MDFIC2: variants seen among roughly 807,000 people sequenced by gnomAD.
MDFIC2 encodes the protein myoD family inhibitor domain-containing protein 2.
chr3:70,271,630 G>A (rs1278203372), intron 2 of MDFIC2, among the ~76,000 whole-genome samples: 1 of 152,174 alleles, frequency 6.6e-6, no homozygotes, highest in Non-Finnish European at 1.5e-5. Flanking sequence ...AATAGACCCA[G>A]CTAAGAAACT....
chr3:70,236,965 G>GA (rs1230562707), intron 2 of MDFIC2, among the ~76,000 whole-genome samples: 3 of 152,138 alleles, frequency 2.0e-5, no homozygotes, highest in African/African-American at 7.2e-5. Flanking sequence ...TTTCTATTGT[G>GA]AAAAATCATA....
In MDFIC2 at chr3:70,260,498, T is replaced by C. The variant is rs536675785; in HGVS notation, c.88+51388A>G. On this transcript the variant is annotated intron_variant, in intron 2 of 3. Transcript: ENST00000567252. ...TTCAACTCGTAACAGCCCCATTCCCTATCATCTTCTGATTGTGTTAAGTCA... is the reference window on the plus strand; with the variant it reads ...TTCAACTCGTAACAGCCCCATTCCCCATCATCTTCTGATTGTGTTAAGTCA... Among the ~76,000 whole-genome samples the C allele has an allele frequency of 1.6e-3, 249 of 152,220 alleles. 2 individuals carry two copies. The highest frequency in any genetic ancestry group is 2.6e-3 in the Non-Finnish European group (178 of 67,994).
chr3:70,225,677 G>A (rs1701497672), intron 2 of MDFIC2, among the ~76,000 whole-genome samples: 1 of 152,140 alleles, frequency 6.6e-6, no homozygotes. Context: ...TAGATCAAAA[G>A]CAGTTTAGTG....
At chr3:70,232,546 C>T (rs1284341366) in intron 2 of MDFIC2, among the ~76,000 whole-genome samples, 1 of 151,854 alleles carries the variant, frequency 6.6e-6, no homozygotes, top group African/African-American at 2.4e-5. Context: ...ATTACAGGTG[C>T]CCGCCACCAC....
At chr3:70,268,678 T>C (rs1419866212) in intron 2 of MDFIC2, among the ~76,000 whole-genome samples, 1 of 152,204 alleles carries the variant, frequency 6.6e-6, no homozygotes, top group Non-Finnish European at 1.5e-5. Context: ...CTCTCTTCTT[T>C]TGTTTTTGCA....
At chr3:70,286,193 T>C (rs1055143805) in intron 2 of MDFIC2, among the ~76,000 whole-genome samples, 6 of 152,234 alleles carry the variant, frequency 3.9e-5, no homozygotes, top group Non-Finnish European at 7.3e-5. Context: ...TGGTTTTAGG[T>C]CTAAAGTTTA....
intron 3 of MDFIC2, chr3:70,204,758 A>T (rs1701274769): frequency 6.6e-6 from 1 of 151,552 alleles, no homozygotes; most frequent in East Asian, 1.9e-4. Flanking sequence ...GTGTCATGCT[A>T]GTTGGCTTGG....
chr3:70,207,033 CTTTT>C (rs11317960), intron 2 of MDFIC2, among the ~76,000 whole-genome samples: 3 of 139,634 alleles, frequency 2.1e-5, no homozygotes, highest in South Asian at 4.5e-4. Flanking sequence ...CTTATTTCTA[CTTTT>C]TTTTTTTTTT....
intron 2 of MDFIC2, among the ~76,000 whole-genome samples, chr3:70,294,802 G>T (rs1011682540): frequency 6.6e-6 from 1 of 151,888 alleles, no homozygotes; most frequent in African/African-American, 2.4e-5. Flanking sequence ...GCTCAGTCTG[G>T]CTTCTCTTAT....
chr3:70,219,285 G>A (rs1019506490), intron 2 of MDFIC2, among the ~76,000 whole-genome samples: 8 of 152,176 alleles, frequency 5.3e-5, no homozygotes, highest in Non-Finnish European at 7.3e-5. Flanking sequence ...AATCCAATCA[G>A]TCTAGCACTT....
intron 2 of MDFIC2, among the ~76,000 whole-genome samples, chr3:70,267,579 T>TC (rs1491522896): frequency 3.1e-3 from 85 of 27,424 alleles, no homozygotes; most frequent in South Asian, 0.013. Flanking sequence ...ATTTTTTGTA[T>TC]TTTTTTTTTT....
chr3:70,277,416 C>T (rs1410026964), intron 2 of MDFIC2, among the ~76,000 whole-genome samples: 1 of 152,176 alleles, frequency 6.6e-6, no homozygotes, highest in East Asian at 1.9e-4. Flanking sequence ...GTCAAAGTCA[C>T]ACTGTTTGCT....
chr3:70,224,480 G>A (rs777822477), intron 2 of MDFIC2, among the ~76,000 whole-genome samples: 2 of 152,140 alleles, frequency 1.3e-5, no homozygotes, highest in Non-Finnish European at 2.9e-5. Flanking sequence ...TCATTCTCTT[G>A]TTGGCAGCAC....
chr3:70,231,734 G>A (rs1192688942), intron 2 of MDFIC2, among the ~76,000 whole-genome samples: 3 of 152,176 alleles, frequency 2.0e-5, no homozygotes, highest in Non-Finnish European at 4.4e-5. Flanking sequence ...GGGACAAGGA[G>A]AGAAGAAATG....
chr3:70,273,129 A>T (rs6549323), intron 2 of MDFIC2, among the ~76,000 whole-genome samples: 59,592 of 151,960 alleles, frequency 0.39, 11,920 homozygotes, highest in East Asian at 0.58. Flanking sequence ...GATGAATACA[A>T]TCCTAAAAGG....
intron 2 of MDFIC2, among the ~76,000 whole-genome samples, chr3:70,214,880 C>A (rs1344774665): frequency 6.6e-6 from 1 of 151,832 alleles, no homozygotes; most frequent in Non-Finnish European, 1.5e-5. Context: ...ATTATGTTAT[C>A]TGAGAAAAAA....
At chr3:70,216,561 T>C (rs1392377627) in intron 2 of MDFIC2, among the ~76,000 whole-genome samples, 6 of 152,100 alleles carry the variant, frequency 3.9e-5, no homozygotes, top group Non-Finnish European at 4.4e-5. Flanking sequence ...TCCAAGTCCA[T>C]GTTCCTAACT....
At chr3:70,296,588 A>G (rs538046708) in intron 2 of MDFIC2, among the ~76,000 whole-genome samples, 2 of 152,312 alleles carry the variant, frequency 1.3e-5, no homozygotes, top group African/African-American at 4.8e-5. Flanking sequence ...CAGTGGAATA[A>G]AAGGCATGAT....
At chr3:70,226,599 A>G (rs1330044517) in intron 2 of MDFIC2, among the ~76,000 whole-genome samples, 1 of 151,636 alleles carries the variant, frequency 6.6e-6, no homozygotes, top group Non-Finnish European at 1.5e-5. Flanking sequence ...TTAGCCAGGC[A>G]TGGTGGCGGG....
Sources: allele counts gnomAD v4.1 joint callset (sites outside exome capture counted in the v4.1 genomes callset), GRCh38; gene constraint gnomAD v4.1.1; transcripts MANE v1.5; gene names NCBI Gene and HGNC (gene_info 2026-07-23, HGNC 2026-07-21).